Variants in SPAST observed in about 807,000 individuals in gnomAD.
SPAST encodes spastin, also known as spastic paraplegia 4 (autosomal dominant; spastin).
Under a neutral mutation model 76.6 loss-of-function variants are expected in SPAST, and 30 were observed. That is an observed-to-expected ratio of 0.39 (90% CI 0.29 to 0.53). The LOEUF (loss-of-function observed/expected upper bound fraction) is 0.53. SPAST is among the 20% of genes least tolerant of loss of function. SPAST has a pLI of 0.68. For missense variants in SPAST, 717 were observed against 770.5 expected (o/e 0.93, Z 0.82); for synonymous variants, 305 against 281.0 (o/e 1.09, Z -0.86).
At chr2:32,106,427 C>T (rs192202221) in intron 4 of SPAST, among the ~76,000 whole-genome samples, 38 of 152,274 alleles carry the variant, frequency 2.5e-4, no homozygotes, top group Non-Finnish European at 3.8e-4. Flanking sequence ...GGCAATACCC[C>T]GCCCTTCAGC....
intron 1 of SPAST, among the ~76,000 whole-genome samples, chr2:32,073,572 C>A (rs1346654195): frequency 6.6e-6 from 1 of 152,052 alleles, no homozygotes; most frequent in East Asian, 1.9e-4. Context: ...TCAAGCAATC[C>A]TCCCACCTCA....
At chr2:32,128,246 C>T (rs913906448) in intron 8 of SPAST, 162 bp from the exon 9 acceptor site, 33 of 593,706 alleles carry the variant, frequency 5.6e-5, no homozygotes, top group Non-Finnish European at 9.0e-5. Flanking sequence ...GCGCCTGCCT[C>T]GGCCTCCGAA....
chr2:32,071,697 G>T (rs1411494641), intron 1 of SPAST, among the ~76,000 whole-genome samples: 1 of 152,198 alleles, frequency 6.6e-6, no homozygotes. Context: ...CAGATTCAAA[G>T]ATTTTCTGAT....
At chr2:32,109,600 A>G (rs985922910) in intron 4 of SPAST, among the ~76,000 whole-genome samples, 32 of 142,762 alleles carry the variant, frequency 2.2e-4, no homozygotes, top group East Asian at 1.4e-3. Context: ...TTTTTTTTCT[A>G]TCAGTTTTTG....
intron 4 of SPAST, among the ~76,000 whole-genome samples, chr2:32,109,266 G>C (rs1047097126): frequency 2.0e-5 from 3 of 151,640 alleles, no homozygotes; most frequent in Admixed American, 6.6e-5. Context: ...GTGCCACCAT[G>C]ATCAGATTAT....
chr2:32,087,695 T>A (rs1677545028), intron 2 of SPAST, 117 bp downstream of exon 2: 2 of 94,542 alleles, frequency 2.1e-5, no homozygotes, highest in Non-Finnish European at 4.1e-5. Context: ...TTTTCTTTTC[T>A]TTTTTTTTTT....
chr2:32,153,659 A>G (rs1680161189), intron 16 of SPAST, among the ~76,000 whole-genome samples: 1 of 152,096 alleles, frequency 6.6e-6, no homozygotes, highest in Non-Finnish European at 1.5e-5. Context: ...CTGTGAACCT[A>G]TCCATTTTGC....
intron 16 of SPAST, among the ~76,000 whole-genome samples, chr2:32,149,217 G>A (rs1337584013): frequency 1.1e-4 from 16 of 150,232 alleles, no homozygotes; most frequent in South Asian, 1.1e-3. Context: ...AGCCTCCTGC[G>A]TAGCTGAGAT....
intron 7 of SPAST, among the ~76,000 whole-genome samples, chr2:32,117,299 A>T (rs879906459): frequency 5.3e-5 from 8 of 151,908 alleles, no homozygotes; most frequent in Non-Finnish European, 1.0e-4. Context: ...AAAATAAATA[A>T]ATAATATTAA....
intron 1 of SPAST, among the ~76,000 whole-genome samples, chr2:32,071,453 G>A (rs1395473367): frequency 6.6e-6 from 1 of 152,166 alleles, no homozygotes; most frequent in Non-Finnish European, 1.5e-5. Context: ...AATGAAAAGA[G>A]TCAAACTCTG....
At chr2:32,111,272 A>G in intron 4 of SPAST, among the ~76,000 whole-genome samples, 1 of 100,962 alleles carries the variant, frequency 9.9e-6, no homozygotes, top group Admixed American at 1.0e-4. Context: ...GCGTATATAT[A>G]CAGTATACTA....
chr2:32,069,801 C>T (rs531471929), intron 1 of SPAST, among the ~76,000 whole-genome samples: 25 of 152,058 alleles, frequency 1.6e-4, no homozygotes, highest in African/African-American at 5.5e-4. Flanking sequence ...CCTCGTGATC[C>T]GCCCACCTTG....
intron 2 of SPAST, 111 bp from the exon 3 acceptor site, chr2:32,089,411 A>G: frequency 1.6e-6 from 1 of 641,244 alleles, no homozygotes; most frequent in Non-Finnish European, 2.7e-6. Context: ...TTTAAAAAAA[A>G]ATTTCTGTAT....
chr2:32,122,901 A>G (rs760893419), intron 7 of SPAST, among the ~76,000 whole-genome samples: 1 of 152,218 alleles, frequency 6.6e-6, no homozygotes, highest in African/African-American at 2.4e-5. Flanking sequence ...GGTGTAGAAT[A>G]CAAAGTTAAT....
At chr2:32,139,752 C>A (rs749725636) in intron 12 of SPAST, among the ~76,000 whole-genome samples, 7 of 151,730 alleles carry the variant, frequency 4.6e-5, no homozygotes, top group Non-Finnish European at 1.0e-4. Context: ...TTGCTTGAAC[C>A]CAGGAGGCAT....
chr2:32,075,875 T>TA (rs1553397186), intron 1 of SPAST, among the ~76,000 whole-genome samples: 2 of 142,682 alleles, frequency 1.4e-5, no homozygotes, highest in Non-Finnish European at 3.0e-5. Flanking sequence ...TTTTTTTTTT[T>TA]AATGAAAAAT....
chr2:32,123,146 C>T lies in SPAST; in HGVS notation c.1099-3802C>T, dbSNP rs187214880. ...GCATGGTGGCGGGTGCCTGTAATCTCAGCTACTCAGGAGGCTGAGGCAGGA... is the reference window on the plus strand; with the variant it reads ...GCATGGTGGCGGGTGCCTGTAATCTTAGCTACTCAGGAGGCTGAGGCAGGA... On this transcript the variant is annotated intron_variant, in intron 7 of 16. Transcript: ENST00000315285. Among the ~76,000 whole-genome samples, 5 of 152,100 alleles carry T rather than the reference C, an allele frequency of 3.3e-5. No individual in the cohort carries two copies. In the East Asian group the frequency reaches 7.7e-4, roughly 24 times the overall value.
chr2:32,115,020 C>G (rs1419033675), intron 5 of SPAST, among the ~76,000 whole-genome samples, 195 bp downstream of exon 5: 1 of 145,412 alleles, frequency 6.9e-6, no homozygotes, highest in East Asian at 2.0e-4. Flanking sequence ...GCGATCTCGG[C>G]TCATTGCAAC....
chr2:32,116,587 C>T (rs140672981), intron 7 of SPAST, among the ~76,000 whole-genome samples: 22 of 152,260 alleles, frequency 1.4e-4, no homozygotes, highest in African/African-American at 5.3e-4. Flanking sequence ...CTGCCTCAGC[C>T]TCCCAAGTAG....
Sources: gnomAD v4.1 joint callset for allele counts (sites outside exome capture counted in the v4.1 genomes callset) on GRCh38, gnomAD v4.1.1 for gene constraint, MANE v1.5 for transcripts, NCBI Gene and HGNC (gene_info 2026-07-23, HGNC 2026-07-21) for gene names.